COL21A1: variants seen among roughly 807,000 people sequenced by gnomAD.
COL21A1 encodes the protein collagen type XXI alpha 1 chain, also known as collagen alpha-1(XXI) chain.
Under a neutral mutation model 137.9 loss-of-function variants are expected in COL21A1, and 149 were observed. That is an observed-to-expected ratio of 1.08 (90% CI 0.95 to 1.24). The LOEUF is 1.24. Ranked by LOEUF, COL21A1 falls within the 50% of genes most tolerant of loss-of-function variation. COL21A1 has a pLI of 0.00. For missense variants in COL21A1, 1,167 were observed against 1,158.4 expected, an observed-to-expected ratio of 1.01 and a Z score of -0.11; for synonymous variants, 456 against 391.5, an observed-to-expected ratio of 1.16 and a Z score of -1.95.
chr6:56,075,961 G>T (rs568930607), intron 18 of COL21A1, among the ~76,000 whole-genome samples: 1 of 151,502 alleles, frequency 6.6e-6, no homozygotes, highest in African/African-American at 2.4e-5. Flanking sequence ...TCTAAGTCCA[G>T]AACAAAAATC....
intron 1 of COL21A1, among the ~76,000 whole-genome samples, chr6:56,183,921 G>T (rs146832961): frequency 6.6e-6 from 1 of 152,026 alleles, no homozygotes; most frequent in Admixed American, 6.5e-5. Flanking sequence ...TTTATGCAAC[G>T]GGTTTACCTG....
intron 1 of COL21A1, among the ~76,000 whole-genome samples, chr6:56,353,004 C>G (rs1458190621): frequency 6.6e-6 from 1 of 152,032 alleles, no homozygotes; most frequent in Non-Finnish European, 1.5e-5. Context: ...TCGACCACTG[C>G]ACTCCATCCT....
chr6:56,164,381 T>G (rs771847382), intron 9 of COL21A1, 42 bp downstream of exon 9: 4 of 1,263,368 alleles, frequency 3.2e-6, no homozygotes, highest in Non-Finnish European at 4.5e-6. Flanking sequence ...CCAGCTCTTG[T>G]TTGTGTGTTT....
upstream of COL21A1, among the ~76,000 whole-genome samples, chr6:56,247,948 C>G (rs769013428): frequency 6.6e-6 from 1 of 152,218 alleles, no homozygotes; most frequent in Admixed American, 6.5e-5. Flanking sequence ...GAAGAACCCC[C>G]CTCTGGGGCG....
At chr6:56,260,674 AGG>A (rs2152330625) in intron 1 of COL21A1, among the ~76,000 whole-genome samples, 1 of 137,224 alleles carries the variant, frequency 7.3e-6, no homozygotes, top group African/African-American at 2.9e-5. Flanking sequence ...GAAGGAAGGA[AGG>A]AAGGAAGGAA....
chr6:56,061,206 C>T (rs1166780094), intron 25 of COL21A1, 169 bp from the exon 26 acceptor site: 5 of 608,624 alleles, frequency 8.2e-6, no homozygotes, highest in Non-Finnish European at 1.1e-5. Flanking sequence ...AATTTCATGT[C>T]ATATTAAACT....
chr6:56,209,590 T>C (rs991895880), intron 1 of COL21A1, among the ~76,000 whole-genome samples: 1 of 152,094 alleles, frequency 6.6e-6, no homozygotes, highest in Non-Finnish European at 1.5e-5. Context: ...TACCATCTCA[T>C]GCCAGTTAGA....
chr6:56,280,536 G>A lies in COL21A1; in HGVS notation c.-38-97880C>T, dbSNP rs73745435. Among the ~76,000 whole-genome samples the A allele has an allele frequency of 4.6e-4, 70 of 152,278 alleles. 3 individuals carry two copies. The highest frequency in any genetic ancestry group is 1.6e-3 in the African/African-American group (68 of 41,554). On this transcript the variant is annotated intron_variant, in intron 1 of 28. Coordinates refer to the COL21A1 transcript ENST00000370819. The stretch of plus-strand genomic sequence containing the variant: ...AGGGGCTCACCTGTCTTTATGGTGA[G>A]TAAAGCGCTACCAGAAAAGCCCAAT...
At position 56,195,970 on chromosome 6, in the gene COL21A1, A is replaced by G. The variant is rs984203456; in HGVS notation, c.-38-13314T>C. ...GATGAACATGGATGTAAAATTTCTCAATAACCTACTAGTAAACTAAATTCA... is the reference window on the plus strand; with the variant it reads ...GATGAACATGGATGTAAAATTTCTCGATAACCTACTAGTAAACTAAATTCA... On this transcript the variant is annotated intron_variant, in intron 1 of 29. Transcript: ENST00000244728. 9.2e-5 allele frequency among the ~76,000 whole-genome samples: 14 copies of G among 152,294 alleles called. No homozygotes were observed. In the South Asian group the frequency reaches 2.9e-3, roughly 32 times the overall value.
chr6:56,150,056 AC>A (rs771181717), intron 10 of COL21A1, among the ~76,000 whole-genome samples: 6 of 152,110 alleles, frequency 3.9e-5, no homozygotes, highest in Non-Finnish European at 7.4e-5. Flanking sequence ...TTTCCTATTA[AC>A]CTTCCCCCAA....
At chr6:56,386,139 G>C (rs2094017767) in intron 1 of COL21A1, among the ~76,000 whole-genome samples, 1 of 152,104 alleles carries the variant, frequency 6.6e-6, no homozygotes, top group Non-Finnish European at 1.5e-5. Context: ...AGTAGAGATG[G>C]AGTTTTACCA....
chr6:56,087,270 C>A (rs1240568333), intron 17 of COL21A1, among the ~76,000 whole-genome samples: 1 of 152,146 alleles, frequency 6.6e-6, no homozygotes, highest in African/African-American at 2.4e-5. Flanking sequence ...TTCTTCCAGA[C>A]TTTCATGACA....
At chr6:56,358,378 T>C (rs1765886376) in intron 1 of COL21A1, among the ~76,000 whole-genome samples, 1 of 152,152 alleles carries the variant, frequency 6.6e-6, no homozygotes, top group Non-Finnish European at 1.5e-5. Flanking sequence ...ACAGACGATG[T>C]TATATTACAA....
chr6:56,173,876 C>G (rs1777248737), intron 3 of COL21A1, among the ~76,000 whole-genome samples: 1 of 152,136 alleles, frequency 6.6e-6, no homozygotes, highest in African/African-American at 2.4e-5. Flanking sequence ...TTCCACCAAA[C>G]AGCAGCAGAA....
intron 1 of COL21A1, chr6:56,276,428 T>A (rs917183069): frequency 1.7e-6 from 1 of 586,150 alleles, no homozygotes; most frequent in Non-Finnish European, 3.0e-6. Context: ...ATCTTTTTTT[T>A]TTAAAGTCAA....
intron 1 of COL21A1, among the ~76,000 whole-genome samples, chr6:56,202,631 A>G (rs187848854): frequency 1.8e-4 from 27 of 152,324 alleles, no homozygotes; most frequent in Non-Finnish European, 2.9e-4. Context: ...CTTAACCACT[A>G]TCACATCCCC....
At chr6:56,058,404 C>T (rs1765515453) in intron 29 of COL21A1, among the ~76,000 whole-genome samples, 1 of 152,046 alleles carries the variant, frequency 6.6e-6, no homozygotes, top group African/African-American at 2.4e-5. Flanking sequence ...TTAGCATGCT[C>T]AAGGAAACAA....
At chr6:56,173,365 G>C (rs1777209986) in intron 3 of COL21A1, among the ~76,000 whole-genome samples, 1 of 150,730 alleles carries the variant, frequency 6.6e-6, no homozygotes, top group Non-Finnish European at 1.5e-5. Context: ...GCAACAGAAT[G>C]AGACAAAGGA....
At chr6:56,291,446 G>C (rs563516353) in intron 1 of COL21A1, among the ~76,000 whole-genome samples, 1 of 152,356 alleles carries the variant, frequency 6.6e-6, no homozygotes, top group South Asian at 2.1e-4. Flanking sequence ...TACAGAAGCT[G>C]CAAACAGGCG....
Sources: allele counts gnomAD v4.1 joint callset (sites outside exome capture counted in the v4.1 genomes callset), GRCh38; gene constraint gnomAD v4.1.1; transcripts MANE v1.5; gene names NCBI Gene and HGNC (gene_info 2026-07-23, HGNC 2026-07-21).